FLI1: variants seen among roughly 807,000 people sequenced by gnomAD.
The protein encoded by FLI1 is Fli-1 proto-oncogene, ETS transcription factor, also known as Friend leukemia integration 1 transcription factor.
In FLI1, 13 loss-of-function variants were observed where a neutral mutation model predicts 53.1. That is an observed-to-expected ratio of 0.24 (90% confidence interval 0.16 to 0.39). The LOEUF is 0.39. Among genes scored for constraint, FLI1 ranks in the 10% least tolerant of loss-of-function variants. The pLI is 1.00. For synonymous variants in FLI1, 244 were observed against 236.7 expected (o/e 1.03, Z -0.28); for missense variants, 424 against 600.5 (o/e 0.71, Z 3.07).
intron 8 of FLI1, among the ~76,000 whole-genome samples, chr11:128,809,457 G>A (rs1320787156): frequency 6.6e-6 from 1 of 152,224 alleles, no homozygotes; most frequent in African/African-American, 2.4e-5. Flanking sequence ...CTTAGGTGTA[G>A]ATGAGTAATA....
intron 1 of FLI1, among the ~76,000 whole-genome samples, chr11:128,695,465 A>G (rs1048939571): frequency 4.6e-5 from 7 of 152,216 alleles, no homozygotes; most frequent in African/African-American, 1.7e-4. Flanking sequence ...AGAACCCGAA[A>G]GAATCGACTC....
intron 4 of FLI1, among the ~76,000 whole-genome samples, chr11:128,774,189 G>A (rs142662350): frequency 1.3e-5 from 2 of 152,250 alleles, no homozygotes; most frequent in African/African-American, 4.8e-5. Flanking sequence ...GCTGGCTGGA[G>A]AAATGAAAAA....
chr11:128,746,166 C>A (rs536783191), intron 1 of FLI1, among the ~76,000 whole-genome samples: 7 of 152,100 alleles, frequency 4.6e-5, no homozygotes, highest in Non-Finnish European at 1.0e-4. Context: ...TCCCATCGGG[C>A]GCTGAGGTTT....
intron 1 of FLI1, among the ~76,000 whole-genome samples, chr11:128,697,693 A>G (rs1254460979): frequency 2.0e-5 from 3 of 152,272 alleles, no homozygotes; most frequent in Non-Finnish European, 2.9e-5. Flanking sequence ...GGGAATGGGC[A>G]TACCAGGACA....
chr11:128,728,320 C>T (rs1317201739), intron 1 of FLI1, among the ~76,000 whole-genome samples: 1 of 152,228 alleles, frequency 6.6e-6, no homozygotes, highest in Admixed American at 6.5e-5. Context: ...GAGGCTGTCA[C>T]AGAACCATGG....
intron 5 of FLI1, among the ~76,000 whole-genome samples, chr11:128,797,320 A>G (rs1196212228): frequency 1.3e-5 from 2 of 152,238 alleles, no homozygotes; most frequent in African/African-American, 2.4e-5. Flanking sequence ...TTGCTATCCT[A>G]CAACATAAAG....
rs79028492 is a variant in FLI1 at position 128,698,341 on chromosome 11, G to A, written c.18+4065G>A. 2.4e-3 allele frequency among the ~76,000 whole-genome samples: 371 copies of A among 152,252 alleles called. 2 individuals carry two copies. The highest frequency in any genetic ancestry group is 4.0e-3 in the Non-Finnish European group (274 of 68,018). On this transcript the variant is annotated intron_variant, in intron 1 of 8. Transcript: ENST00000527786. ...GGCCTCTGTCTATTGATCTGTCCCC[G>A]TGACCACACAGAATTGCTCCCCTCA...
chr11:128,692,307 G>A (rs1221173772), upstream of FLI1, among the ~76,000 whole-genome samples: 6 of 152,188 alleles, frequency 3.9e-5, no homozygotes, highest in African/African-American at 1.4e-4. Context: ...GGTGGCCCCA[G>A]GCAAAGGGGG....
intron 1 of FLI1, among the ~76,000 whole-genome samples, chr11:128,707,197 C>T (rs1299099444): frequency 6.6e-6 from 1 of 152,098 alleles, no homozygotes; most frequent in Non-Finnish European, 1.5e-5. Context: ...AGCCCTGTAC[C>T]CAAGTTCATG....
intron 1 of FLI1, among the ~76,000 whole-genome samples, chr11:128,742,808 G>A (rs2135778599): frequency 6.6e-6 from 1 of 152,354 alleles, no homozygotes; most frequent in South Asian, 2.1e-4. Context: ...GATTGATGCT[G>A]ACGAGTATGC....
chr11:128,776,491 A>T (rs476719), intron 4 of FLI1, among the ~76,000 whole-genome samples: 72,176 of 151,976 alleles, frequency 0.47, 17,345 homozygotes, highest in East Asian at 0.65. Flanking sequence ...TCTCTACTAA[A>T]CATACAAAAA....
chr11:128,796,800 C>A (rs761397662), intron 5 of FLI1, among the ~76,000 whole-genome samples: 7 of 152,152 alleles, frequency 4.6e-5, no homozygotes, highest in Non-Finnish European at 8.8e-5. Flanking sequence ...CATGGTGAAA[C>A]CCCGTCTCTA....
chr11:128,755,545 CT>C (rs1171511348), intron 1 of FLI1, among the ~76,000 whole-genome samples: 1 of 152,196 alleles, frequency 6.6e-6, no homozygotes, highest in African/African-American at 2.4e-5. Context: ...CAATGTCACC[CT>C]TTTCAGCTCA....
chr11:128,739,546 C>T (rs1198806104), intron 1 of FLI1, among the ~76,000 whole-genome samples: 1 of 152,058 alleles, frequency 6.6e-6, no homozygotes, highest in Admixed American at 6.6e-5. Context: ...TTGGGTCTGC[C>T]CACTACTCTC....
chr11:128,761,083 C>A (rs1278070230), intron 2 of FLI1, among the ~76,000 whole-genome samples: 1 of 152,178 alleles, frequency 6.6e-6, no homozygotes, highest in African/African-American at 2.4e-5. Flanking sequence ...GTGGCCCCAC[C>A]ATCCCTCTGA....
chr11:128,687,433 T>A (rs1409680970), intron 1 of FLI1, among the ~76,000 whole-genome samples: 1 of 152,156 alleles, frequency 6.6e-6, no homozygotes, highest in Non-Finnish European at 1.5e-5. Context: ...CCTCACGCCA[T>A]GCAGCCGCGA....
intron 1 of FLI1, among the ~76,000 whole-genome samples, chr11:128,748,815 A>C (rs550037990): frequency 2.6e-5 from 4 of 152,128 alleles, no homozygotes; most frequent in Admixed American, 2.0e-4. Context: ...GGCCAGAGGC[A>C]AGTAGCAAAC....
chr11:128,756,607 A>C (rs1393901702), intron 1 of FLI1, among the ~76,000 whole-genome samples: 8 of 152,134 alleles, frequency 5.3e-5, no homozygotes, highest in Non-Finnish European at 8.8e-5. Flanking sequence ...TCTGAGTGTG[A>C]CTCACTATGT....
chr11:128,745,678 C>T (rs1250994143), intron 1 of FLI1, among the ~76,000 whole-genome samples: 1 of 152,238 alleles, frequency 6.6e-6, no homozygotes, highest in Non-Finnish European at 1.5e-5. Context: ...ATGCACGCCT[C>T]ATCTGTGCGT....
Sources: gnomAD v4.1 joint callset for allele counts (sites outside exome capture counted in the v4.1 genomes callset) on GRCh38, gnomAD v4.1.1 for gene constraint, MANE v1.5 for transcripts, NCBI Gene and HGNC (gene_info 2026-07-23, HGNC 2026-07-21) for gene names.